Variants in CDIPT observed in about 807,000 individuals in gnomAD.
CDIPT encodes the protein PI synthase.
A neutral mutation model predicts 21.6 loss-of-function variants in CDIPT; 17 were observed. The observed-to-expected ratio is 0.79, with a 90% CI of 0.54 to 1.18. CDIPT has a LOEUF of 1.18. Among genes scored for constraint, CDIPT ranks in the 50% most tolerant of loss-of-function variants. The pLI, the probability that CDIPT is intolerant of heterozygous loss-of-function variation, is 0.00. For missense variants in CDIPT, 254 were observed against 284.9 expected (o/e 0.89, Z 0.78); for synonymous variants, 119 against 117.9 (o/e 1.01, Z -0.06).
At chr16:29,860,984 G>T in intron 3 of CDIPT, 122 bp downstream of exon 3, 2 of 935,576 alleles carry the variant, frequency 2.1e-6, no homozygotes, top group Non-Finnish European at 3.3e-6. Context: ...TTTCTACAAA[G>T]CAGAGCTAAA....
chr16:29,860,603 AGCACCGG>A lies in CDIPT; in HGVS notation c.385_391del (p.Pro129PhefsTer35). The stretch of plus-strand genomic sequence containing the variant: ...TACCCTCGAGGTGTAGTAGATCCGA[AGCACCGG>A]ATTCCCGGACAAGTCGATCATCTTG... On this transcript the variant is annotated frameshift_variant, in exon 4 of 6. Transcript: ENST00000219789. LOFTEE classifies it high-confidence loss of function. The A allele has an allele frequency of 6.2e-7, 1 of 1,612,076 alleles. No individual in the cohort carries two copies. Among genetic ancestry groups the A allele is most frequent in the Non-Finnish European group, 8.5e-7 (1 of 1,178,302 alleles).
Position 29,859,499 on chromosome 16 carries a change from C to T in CDIPT, c.439G>A (p.Gly147Arg), listed in dbSNP as rs1300749784. The T allele has an allele frequency of 6.2e-7, 1 of 1,613,452 alleles. No homozygotes were observed. Among genetic ancestry groups the T allele is most frequent in the African/African-American group, 1.3e-5 (1 of 75,038 alleles). ...SRPALFTLCA[G>R]NELFYCLLYL... ...AGGAGGCAGTAGAAGAGCTCATTCC[C>T]AGCACACAAGGTGAACAGAGCAGGC... is the stretch of plus-strand genomic sequence containing the variant. The change falls in exon 5 of 6, where the codon GGG becomes AGG. Residue 147 changes from glycine to arginine, a missense_variant. By Grantham distance (125) the Gly-to-Arg change is moderately radical. Coordinates refer to ENST00000219789, the MANE Select transcript of CDIPT (RefSeq NM_006319.5). This position sits in a 1 kb window ranked among gnomAD's most constrained non-coding sequence, Gnocchi z 4.5.
chr16:29,861,735 T>G, intron 2 of CDIPT: 2 of 542,268 alleles, frequency 3.7e-6, no homozygotes. Flanking sequence ...TTTTTTGTTT[T>G]TTGTTTTTTT....
intron 4 of CDIPT, 144 bp downstream of exon 4, chr16:29,860,437 G>A (rs1596941351): frequency 9.6e-6 from 6 of 624,190 alleles, no homozygotes; most frequent in East Asian, 5.5e-5. Flanking sequence ...CCTCCTCCAC[G>A]CCTCAGCTTA....
chr16:29,861,360 G>A (rs1284357768), intron 2 of CDIPT, 101 bp from the exon 3 acceptor site: 23 of 1,562,126 alleles, frequency 1.5e-5, no homozygotes, highest in Non-Finnish European at 2.0e-5. Context: ...ACGAAGACTG[G>A]AAGTGTCCGC....
Position 29,862,533 on chromosome 16 carries a change from A to G in CDIPT, c.178+53T>C, listed in dbSNP as rs180971062. 2.3e-4 allele frequency: 357 copies of G among 1,538,502 alleles called. 1 individual carries two copies. Among genetic ancestry groups the G allele is most frequent in the Non-Finnish European group, 2.9e-4 (335 of 1,136,778 alleles). On this transcript the variant is annotated intron_variant, in intron 2 of 5. Coordinates refer to ENST00000219789, the MANE Select transcript of CDIPT (RefSeq NM_006319.5). This position sits in a 1 kb window ranked among gnomAD's most constrained non-coding sequence, Gnocchi z 6.7. Reference sequence around the variant, plus strand: ...TCTGAGGTCCCGAGGAGGCAGGGGAAGGGAGGAGGGGATTGTTGAACCCCA... The same window carrying G: ...TCTGAGGTCCCGAGGAGGCAGGGGAGGGGAGGAGGGGATTGTTGAACCCCA...
rs566723781 is a variant in CDIPT, at chr16:29,859,778, G to A, written c.415-255C>T. Among the ~76,000 whole-genome samples the A allele has an allele frequency of 1.3e-3, 200 of 152,226 alleles. 1 individual carries two copies. Among genetic ancestry groups the A allele is most frequent in the Non-Finnish European group, 2.3e-3 (157 of 68,028 alleles). The stretch of plus-strand genomic sequence containing the variant: ...CCCAGCACTTTGGGAGGCTGAGACA[G>A]GCGGATCACCTGAGGTCAGGAGTTT... On this transcript the variant is annotated intron_variant, in intron 4 of 5. Coordinates refer to ENST00000219789, the MANE Select transcript of CDIPT (RefSeq NM_006319.5). The surrounding 1 kb of genome is among the most constrained non-coding windows in gnomAD (Gnocchi z 4.5).
rs761874239 is a variant in CDIPT, at chr16:29,861,130, G to C, written c.308C>G (p.Ala103Gly). 3 of 1,614,124 alleles carry C rather than the reference G, an allele frequency of 1.9e-6. No homozygotes were observed. The highest frequency in any genetic ancestry group is 2.5e-6 in the Non-Finnish European group (3 of 1,180,026). Residue 103 changes from alanine (A) to glycine (G), a missense_variant, in exon 3 of 6, where the codon GCC becomes GGC. Ala to Gly is a moderately conservative substitution (Grantham distance 60, BLOSUM62 0). Coordinates refer to ENST00000219789, the MANE Select transcript of CDIPT (RefSeq NM_006319.5). ...FFQISMSLDV[A>G]SHWLHLHSSV... ...CCTGTGGAGGTGCAGCCAGTGACTG[G>C]CCACATCCAAACTCATGCTGATTTG...
chr16:29,862,502 T>G lies in CDIPT; in HGVS notation c.178+84A>C. On this transcript the variant is annotated intron_variant, in intron 2 of 5. Transcript: ENST00000219789. This position sits in a 1 kb window ranked among gnomAD's most constrained non-coding sequence, Gnocchi z 6.7. ...TTTCCAGAGATGGGAATGACAGCCC[T>G]CTGACTCTGAGGTCCCGAGGAGGCA... 1 of 1,394,170 alleles carries G rather than the reference T, an allele frequency of 7.2e-7. No individual in the cohort carries two copies. The highest frequency in any genetic ancestry group is 9.9e-7 in the Non-Finnish European group (1 of 1,012,220). The allele number at this position is 1,394,170 out of a possible 1,614,324, so 86.4% of individuals were successfully genotyped here.
Position 29,862,926 on chromosome 16 carries a change from G to A in CDIPT, c.-69C>T, listed in dbSNP as rs749554251. On this transcript the variant is annotated 5_prime_UTR_variant, in exon 1 of 6. Coordinates refer to ENST00000219789, the MANE Select transcript of CDIPT (RefSeq NM_006319.5). This position sits in a 1 kb window ranked among gnomAD's most constrained non-coding sequence, Gnocchi z 6.7. ...AGTGCTGTCCCAGCCCCGCAGCGCG[G>A]CCTCAGCCTCCGGCCCGGCGCATCG... The A allele has an allele frequency of 1.9e-6, 3 of 1,577,212 alleles. No homozygotes were observed. Among genetic ancestry groups the A allele is most frequent in the South Asian group, 1.1e-5 (1 of 90,018 alleles).
intron 2 of CDIPT, chr16:29,861,633 C>T: frequency 2.6e-6 from 2 of 771,474 alleles, no homozygotes; most frequent in South Asian, 3.6e-5. Flanking sequence ...ACCCTTCCCT[C>T]TCCATCCTCC....
rs1402972837 is a variant in CDIPT at position 29,858,762 on chromosome 16, C to T, written c.*427G>A. ...GTAGGCAGGACAGAGGAGCCGGTGA[C>T]AGGGAAGGCTGTGGATGGCTTCTTC... On this transcript the variant is annotated 3_prime_UTR_variant, in exon 6 of 6. Transcript: ENST00000219789. 65 of 178,656 alleles carry T rather than the reference C, an allele frequency of 3.6e-4. No homozygotes were observed. Among genetic ancestry groups the T allele is most frequent in the Non-Finnish European group, 3.6e-5 (3 of 83,090 alleles). The allele number at this position is 178,656 out of a possible 1,614,324, so 11.1% of individuals were successfully genotyped here. A position where few individuals can be genotyped will look rare whatever the true frequency, so the allele number is the denominator to read the frequency against.
At position 29,861,252 on chromosome 16, in the gene CDIPT, C is replaced by T; in HGVS notation, c.186G>A (p.Arg62=). The T allele has an allele frequency of 6.2e-7, 1 of 1,614,184 alleles. No individual in the cohort carries two copies. Residue 62 remains arginine (R), a synonymous_variant, in exon 3 of 6, where the codon CGG becomes CGA. Coordinates refer to ENST00000219789, the MANE Select transcript of CDIPT (RefSeq NM_006319.5). ...TCAGCATGTCCAGCATGGCCCCAAA[C>T]CGGGTTCCTGGAAGATTAGGTGGGC... ...HAARALNQGT[R]FGAMLDMLTD...
Position 29,860,617 on chromosome 16 carries a change from G to A in CDIPT, c.378C>T (p.Ser126=), listed in dbSNP as rs758706964. 29 of 1,612,862 alleles carry A rather than the reference G, an allele frequency of 1.8e-5. 1 individual carries two copies. The highest frequency in any genetic ancestry group is 8.9e-5 in the East Asian group (4 of 44,886). The part of the protein sequence containing the change: ...GSESHKMIDL[S]GNPVLRIYYT... ...AGTAGATCCGAAGCACCGGATTCCC[G>A]GACAAGTCGATCATCTTGTGACTCT... is the stretch of plus-strand genomic sequence containing the variant. Residue 126 remains serine, a synonymous_variant, in exon 4 of 6, where the codon TCC becomes TCT. Transcript: ENST00000219789.
Position 29,859,124 on chromosome 16 carries a change from G to C in CDIPT, c.*65C>G. 6.6e-7 allele frequency: 1 copy of C among 1,519,814 alleles called. No homozygotes were observed. The highest frequency in any genetic ancestry group is 2.0e-5 in the Admixed American group (1 of 51,138). 94.1% of individuals were successfully genotyped at this position (1,519,814 alleles called of 1,614,324 possible). On this transcript the variant is annotated 3_prime_UTR_variant, in exon 6 of 6. Transcript: ENST00000219789. This position sits in a 1 kb window ranked among gnomAD's most constrained non-coding sequence, Gnocchi z 4.5. ...AGACTGGGACCTCCTAGCAGGGGGT[G>C]GGGAGCTGTGTGGCACAGCAAGACT...
In CDIPT at chr16:29,859,089, G is replaced by A. The variant is rs934884972; in HGVS notation, c.*100C>T. 2 of 1,289,642 alleles carry A rather than the reference G, an allele frequency of 1.6e-6. No homozygotes were observed. Among genetic ancestry groups the A allele is most frequent in the Non-Finnish European group, 2.1e-6 (2 of 935,510 alleles). The allele number at this position is 1,289,642 out of a possible 1,614,324, so 79.9% of individuals were successfully genotyped here. A position where few individuals can be genotyped will look rare whatever the true frequency, so the allele number is the denominator to read the frequency against. On this transcript the variant is annotated 3_prime_UTR_variant, in exon 6 of 6. Coordinates refer to ENST00000219789, the MANE Select transcript of CDIPT (RefSeq NM_006319.5). This position sits in a 1 kb window ranked among gnomAD's most constrained non-coding sequence, Gnocchi z 4.5. ...TCCCAGCAGGTAGAACAACACATGA[G>A]GAAGGCGTGAGACTGGGACCTCCTA...
chr16:29,859,855 A>G lies in CDIPT; in HGVS notation c.415-332T>C, dbSNP rs2067665460. On this transcript the variant is annotated intron_variant, in intron 4 of 5. Transcript: ENST00000219789. This position sits in a 1 kb window ranked among gnomAD's most constrained non-coding sequence, Gnocchi z 4.5. ...ACCCCTCTCTACTAACAATACAAAA[A>G]TTAGCCGAGTGTGGTGGCACGTGCC... 6.6e-6 allele frequency among the ~76,000 whole-genome samples: 1 copy of G among 151,994 alleles called. No homozygotes were observed. The highest frequency in any genetic ancestry group is 6.6e-5 in the Admixed American group (1 of 15,234).
In CDIPT at chr16:29,862,600, C is replaced by A; in HGVS notation, c.164G>T (p.Arg55Leu). 1 of 1,581,932 alleles carries A rather than the reference C, an allele frequency of 6.3e-7. No individual in the cohort carries two copies. Among genetic ancestry groups the A allele is most frequent in the Non-Finnish European group, 8.6e-7 (1 of 1,163,908 alleles). The part of the protein sequence containing the change: ...LLDAFDGHAA[R>L]ALNQGTRFGA... ...GTGTCTGTCACCTTGATTAAGAGCGCGAGCAGCGTGTCCATCGAAAGCGTC... is the reference window on the plus strand; with the variant it reads ...GTGTCTGTCACCTTGATTAAGAGCGAGAGCAGCGTGTCCATCGAAAGCGTC... The change falls in exon 2 of 6, where the codon CGC becomes CTC. Residue 55 changes from arginine to leucine, a missense_variant. By Grantham distance (102) the Arg-to-Leu change is moderately radical. Transcript: ENST00000219789. This position sits in a 1 kb window ranked among gnomAD's most constrained non-coding sequence, Gnocchi z 6.7.
Position 29,861,248 on chromosome 16 carries a change from C to T in CDIPT, c.190G>A (p.Gly64Arg). ...TCCGTCAGCATGTCCAGCATGGCCCCAAACCGGGTTCCTGGAAGATTAGGT... is the reference window on the plus strand; with the variant it reads ...TCCGTCAGCATGTCCAGCATGGCCCTAAACCGGGTTCCTGGAAGATTAGGT... The part of the protein sequence containing the change: ...ARALNQGTRF[G>R]AMLDMLTDRC... The change falls in exon 3 of 6, where the codon GGG becomes AGG. Residue 64 changes from glycine to arginine, a missense_variant. By Grantham distance (125) the Gly-to-Arg change is moderately radical. Coordinates refer to ENST00000219789, the MANE Select transcript of CDIPT (RefSeq NM_006319.5). The T allele has an allele frequency of 6.2e-7, 1 of 1,614,204 alleles. No homozygotes were observed. Among genetic ancestry groups the T allele is most frequent in the Non-Finnish European group, 8.5e-7 (1 of 1,180,042 alleles).
Sources: allele counts gnomAD v4.1 joint callset (sites outside exome capture counted in the v4.1 genomes callset), GRCh38; gene constraint gnomAD v4.1.1; non-coding constraint Gnocchi (gnomAD v3.1); transcripts MANE v1.5; gene names NCBI Gene and HGNC (gene_info 2026-07-23, HGNC 2026-07-21).